Variants in AOPEP observed in about 807,000 individuals in gnomAD.
The protein encoded by AOPEP is aminopeptidase O (putative), also known as aminopeptidase O.
Under a neutral mutation model 98.1 loss-of-function variants are expected in AOPEP, and 77 were observed. That is an observed-to-expected ratio of 0.78 (90% confidence interval 0.65 to 0.95). The LOEUF is 0.95. Among genes scored for constraint, AOPEP ranks in the 40% least tolerant of loss-of-function variants. The probability of loss-of-function intolerance (pLI) is 0.00; values close to 1 mark genes in which losing one functional copy is unlikely to be tolerated. For missense variants in AOPEP, 1,024 were observed against 1,024.7 expected (o/e 1.00, Z 0.01); for synonymous variants, 346 against 365.3 (o/e 0.95, Z 0.60).
At chr9:95,138,032 G>A in the AOPEP span, among the ~76,000 whole-genome samples, 1 of 152,266 alleles carries the variant, frequency 6.6e-6, no homozygotes. Context: ...CAACGGGCAA[G>A]GCGCAGAGGA....
chr9:94,857,323 A>G (rs191504723), intron 5 of AOPEP, among the ~76,000 whole-genome samples: 3 of 152,248 alleles, frequency 2.0e-5, no homozygotes, highest in Admixed American at 6.5e-5. Flanking sequence ...CTGCGAATTC[A>G]CCTCATGTAT....
chr9:95,096,201 C>T, the AOPEP span, among the ~76,000 whole-genome samples: 2 of 152,146 alleles, frequency 1.3e-5, no homozygotes, highest in Non-Finnish European at 2.9e-5. Context: ...CCGTTGATGG[C>T]AATGTCTTTA....
the AOPEP span, among the ~76,000 whole-genome samples, chr9:95,135,752 G>A: frequency 6.6e-6 from 1 of 152,134 alleles, no homozygotes; most frequent in Non-Finnish European, 1.5e-5. Flanking sequence ...CTTTCAAAAA[G>A]AATAAGCAAA....
intron 5 of AOPEP, among the ~76,000 whole-genome samples, chr9:94,867,590 T>C (rs1050474449): frequency 6.6e-6 from 1 of 152,236 alleles, no homozygotes; most frequent in Non-Finnish European, 1.5e-5. Flanking sequence ...AGAGTAGATT[T>C]GCTTTTCTTT....
intron 11 of AOPEP, among the ~76,000 whole-genome samples, chr9:95,004,496 A>G (rs1338316844): frequency 2.6e-5 from 4 of 151,586 alleles, no homozygotes; most frequent in Non-Finnish European, 5.9e-5. Flanking sequence ...GGAAACGTCT[A>G]CTCGAGGGCG....
intron 13 of AOPEP, among the ~76,000 whole-genome samples, chr9:95,035,721 A>G (rs947005630): frequency 6.6e-5 from 10 of 151,704 alleles, no homozygotes; most frequent in Non-Finnish European, 1.5e-4. Context: ...AGGTTTCTCC[A>G]TGTTGGTCAG....
chr9:94,831,270 A>T (rs1855906260), intron 5 of AOPEP, among the ~76,000 whole-genome samples: 1 of 152,194 alleles, frequency 6.6e-6, no homozygotes, highest in African/African-American at 2.4e-5. Context: ...TTTTCTGCAT[A>T]TGGGTAGCCA....
intron 5 of AOPEP, among the ~76,000 whole-genome samples, chr9:94,846,653 C>T (rs2042897257): frequency 6.6e-6 from 1 of 152,188 alleles, no homozygotes; most frequent in Non-Finnish European, 1.5e-5. Context: ...CGCCCGTAAT[C>T]CTAGCACTTT....
chr9:94,975,091 C>T (rs754092751), intron 10 of AOPEP, among the ~76,000 whole-genome samples: 1 of 151,990 alleles, frequency 6.6e-6, no homozygotes, highest in Admixed American at 6.5e-5. Context: ...ATTAGTCGGG[C>T]GTGGTGGCAC....
chr9:95,038,351 A>G (rs1472146571), intron 13 of AOPEP, among the ~76,000 whole-genome samples: 2 of 152,214 alleles, frequency 1.3e-5, no homozygotes, highest in Non-Finnish European at 2.9e-5. Flanking sequence ...TAGGTTGTGA[A>G]TTCTGCACTT....
At chr9:95,041,855 C>T (rs544912248) in intron 13 of AOPEP, among the ~76,000 whole-genome samples, 5 of 152,210 alleles carry the variant, frequency 3.3e-5, no homozygotes, top group South Asian at 4.1e-4. Context: ...CCTATCTAGC[C>T]GCCTTTTCTC....
chr9:94,960,254 A>T (rs2058726603), intron 9 of AOPEP, among the ~76,000 whole-genome samples: 1 of 152,100 alleles, frequency 6.6e-6, no homozygotes, highest in Non-Finnish European at 1.5e-5. Context: ...TACTAAAAAT[A>T]CAAAAATTAG....
At chr9:95,045,312 G>A (rs932752822) in intron 13 of AOPEP, among the ~76,000 whole-genome samples, 13 of 152,226 alleles carry the variant, frequency 8.5e-5, no homozygotes, top group Non-Finnish European at 1.6e-4. Context: ...GGCTGGGGAC[G>A]CCTTGGGGCG....
At chr9:95,110,322 C>CTT in the AOPEP span, 1 of 1,016,458 alleles carries the variant, frequency 9.8e-7, no homozygotes, top group Non-Finnish European at 1.2e-6. Flanking sequence ...TATCTACCAA[C>CTT]TTAGCTTATT....
chr9:94,760,601 A>G, intron 2 of AOPEP, 21 bp downstream of exon 2: 1 of 1,521,910 alleles, frequency 6.6e-7, no homozygotes, highest in Non-Finnish European at 8.8e-7. Context: ...CAAGCACTTC[A>G]AAGCCCTGTG....
intron 13 of AOPEP, among the ~76,000 whole-genome samples, chr9:95,011,298 C>T (rs1400796629): frequency 4.7e-5 from 7 of 149,392 alleles, no homozygotes; most frequent in Non-Finnish European, 7.4e-5. Flanking sequence ...CGGGTTCCAG[C>T]GATTCTTCTG....
At chr9:95,120,536 C>G in the AOPEP span, among the ~76,000 whole-genome samples, 61 of 151,992 alleles carry the variant, frequency 4.0e-4, no homozygotes, top group Non-Finnish European at 3.2e-4. Flanking sequence ...CACTTCACCC[C>G]CCGAGTAGCC....
At chr9:95,008,812 T>C (rs1416401923) in intron 13 of AOPEP, among the ~76,000 whole-genome samples, 2 of 152,232 alleles carry the variant, frequency 1.3e-5, no homozygotes, top group Non-Finnish European at 2.9e-5. Flanking sequence ...GTCTCATGCG[T>C]CTTTTCATAT....
At chr9:95,037,444 A>G (rs944206184) in intron 13 of AOPEP, among the ~76,000 whole-genome samples, 13 of 152,240 alleles carry the variant, frequency 8.5e-5, no homozygotes, top group African/African-American at 3.1e-4. Flanking sequence ...GAGAGTGGGT[A>G]GAATTTTATT....
Sources: allele counts gnomAD v4.1 joint callset (sites outside exome capture counted in the v4.1 genomes callset), GRCh38; gene constraint gnomAD v4.1.1; transcripts MANE v1.5; gene names NCBI Gene and HGNC (gene_info 2026-07-23, HGNC 2026-07-21).